SLC1A3: variants seen among roughly 807,000 people sequenced by gnomAD.
SLC1A3 encodes solute carrier family 1 member 3, also known as excitatory amino acid transporter 1.
Under a neutral mutation model 48.1 loss-of-function variants are expected in SLC1A3, and 21 were observed. The ratio of observed to expected loss-of-function variants is 0.44; its 90% CI spans 0.31 to 0.63. SLC1A3 has a LOEUF of 0.63. Among genes scored for constraint, SLC1A3 ranks in the 20% least tolerant of loss-of-function variants. The pLI is 0.08. For synonymous variants in SLC1A3, 239 were observed against 251.4 expected (o/e 0.95, Z 0.47); for missense variants, 546 against 689.0 (o/e 0.79, Z 2.32).
intron 2 of SLC1A3, among the ~76,000 whole-genome samples, chr5:36,622,243 G>T (rs925388617): frequency 6.6e-6 from 1 of 152,174 alleles, no homozygotes; most frequent in Admixed American, 6.5e-5. Flanking sequence ...CTCAGAATGC[G>T]AGGTCTTTCT....
At chr5:36,632,506 T>A (rs1173423908) in intron 3 of SLC1A3, among the ~76,000 whole-genome samples, 1 of 152,202 alleles carries the variant, frequency 6.6e-6, no homozygotes, top group Non-Finnish European at 1.5e-5. Flanking sequence ...CTCTCCATCT[T>A]CTGGGTATAA....
intron 8 of SLC1A3, 118 bp downstream of exon 8, chr5:36,680,707 C>A: frequency 1.2e-6 from 1 of 834,280 alleles, no homozygotes; most frequent in Non-Finnish European, 2.0e-6. Context: ...CTCCTGAGGC[C>A]AGGAGTTCAA....
At chr5:36,657,195 G>A (rs1580004358) in intron 3 of SLC1A3, among the ~76,000 whole-genome samples, 1 of 152,148 alleles carries the variant, frequency 6.6e-6, no homozygotes. Context: ...AATTCCTGAA[G>A]TTACAAAGTC....
intron 3 of SLC1A3, among the ~76,000 whole-genome samples, chr5:36,634,002 G>A (rs113278026): frequency 2.6e-5 from 4 of 152,324 alleles, no homozygotes; most frequent in African/African-American, 7.2e-5. Flanking sequence ...ATGGCTGGGC[G>A]TCGTGGCTCA....
At chr5:36,631,444 C>T (rs910291860) in intron 3 of SLC1A3, among the ~76,000 whole-genome samples, 6 of 152,116 alleles carry the variant, frequency 3.9e-5, no homozygotes, top group African/African-American at 1.4e-4. Context: ...TACTATGATG[C>T]AATCCCTTTG....
chr5:36,607,082 A>T (rs1240346568), intron 1 of SLC1A3: 1 of 152,146 alleles, frequency 6.6e-6, no homozygotes, highest in Admixed American at 6.5e-5. Context: ...CCCGGTCTTC[A>T]CTTCTCCCTA....
At chr5:36,680,776 G>T (rs1580046966) in intron 8 of SLC1A3, among the ~76,000 whole-genome samples, 187 bp downstream of exon 8, 2 of 152,122 alleles carry the variant, frequency 1.3e-5, no homozygotes, top group Admixed American at 6.5e-5. Context: ...AATTAGCCAG[G>T]CCTGGTGGCA....
chr5:36,623,910 G>A (rs949460293), intron 2 of SLC1A3, among the ~76,000 whole-genome samples: 5 of 151,690 alleles, frequency 3.3e-5, no homozygotes, highest in African/African-American at 7.3e-5. Context: ...GTCATGCTAC[G>A]TCTCCTTGGT....
chr5:36,686,451 T>C lies in SLC1A3; in HGVS notation c.*182T>C. The C allele has an allele frequency of 1.6e-6, 1 of 615,314 alleles. No homozygotes were observed. The highest frequency in any genetic ancestry group is 2.8e-5 in the Admixed American group (1 of 35,476). The allele number at this position is 615,314 out of a possible 1,614,324, so 38.1% of individuals were successfully genotyped here. ...GATTTTGGGTGGCCAAAGTGTACAA[T>C]TTTCATCCCACAATTGAAATTTTTA... On this transcript the variant is annotated 3_prime_UTR_variant, in exon 10 of 10. Transcript: ENST00000265113.
chr5:36,611,346 G>GTTTTTAGACTGT (rs1739187418), intron 2 of SLC1A3, among the ~76,000 whole-genome samples: 1 of 135,260 alleles, frequency 7.4e-6, no homozygotes, highest in African/African-American at 2.7e-5. Flanking sequence ...TGTTTAGACT[G>GTTTTTAGACTGT]TTTTTTTTTT....
At chr5:36,616,089 G>C (rs1350355905) in intron 2 of SLC1A3, among the ~76,000 whole-genome samples, 1 of 152,114 alleles carries the variant, frequency 6.6e-6, no homozygotes, top group Non-Finnish European at 1.5e-5. Context: ...CCAGCTACTC[G>C]GGAGGCTGAG....
At chr5:36,603,024 C>A (rs1359963967), upstream of SLC1A3, among the ~76,000 whole-genome samples, 1 of 152,238 alleles carries the variant, frequency 6.6e-6, no homozygotes, top group East Asian at 1.9e-4. Context: ...GCTCCTCCTG[C>A]CCCTTGACTT....
intron 8 of SLC1A3, among the ~76,000 whole-genome samples, chr5:36,681,124 T>A (rs1025460595): frequency 6.6e-6 from 1 of 152,196 alleles, no homozygotes; most frequent in Non-Finnish European, 1.5e-5. Context: ...GAAACTTGCC[T>A]GCCATCACAT....
At chr5:36,627,198 G>A (rs183638335) in intron 2 of SLC1A3, among the ~76,000 whole-genome samples, 45 of 152,088 alleles carry the variant, frequency 3.0e-4, no homozygotes, top group Middle Eastern at 3.4e-3. Flanking sequence ...TAAACGATTA[G>A]GATTGAATAG....
At chr5:36,619,918 G>C (rs1739596638) in intron 2 of SLC1A3, among the ~76,000 whole-genome samples, 1 of 152,148 alleles carries the variant, frequency 6.6e-6, no homozygotes, top group African/African-American at 2.4e-5. Context: ...GATTTATAAT[G>C]CTTTTGATGA....
chr5:36,634,287 T>TATATATAAATAAATAAATAA (rs1740251489), intron 3 of SLC1A3, among the ~76,000 whole-genome samples: 1 of 149,882 alleles, frequency 6.7e-6, no homozygotes, highest in East Asian at 2.0e-4. Flanking sequence ...AAAAAAGAAA[T>TATATATAAATAAATAAATAA]ATAAATAAAT....
intron 3 of SLC1A3, among the ~76,000 whole-genome samples, chr5:36,651,890 A>G (rs1741092434): frequency 6.6e-6 from 1 of 152,098 alleles, no homozygotes; most frequent in African/African-American, 2.4e-5. Flanking sequence ...CATTTTTCAG[A>G]AAGGGTTATT....
At chr5:36,627,890 G>A (rs995296648) in intron 2 of SLC1A3, among the ~76,000 whole-genome samples, 2 of 152,134 alleles carry the variant, frequency 1.3e-5, no homozygotes, top group East Asian at 3.9e-4. Context: ...TAAGTTCATC[G>A]TGATTAGGTT....
intron 3 of SLC1A3, among the ~76,000 whole-genome samples, chr5:36,651,142 A>G (rs796462209): frequency 0.22 from 557 of 2,582 alleles, 4 homozygotes; most frequent in African/African-American, 0.35. Flanking sequence ...AGTTTTTTTT[A>G]AAAAAAAAAA....
Sources: gnomAD v4.1 joint callset for allele counts (sites outside exome capture counted in the v4.1 genomes callset) on GRCh38, gnomAD v4.1.1 for gene constraint, MANE v1.5 for transcripts, NCBI Gene and HGNC (gene_info 2026-07-23, HGNC 2026-07-21) for gene names.